Variants in KREMEN1 observed in about 807,000 individuals in gnomAD.
KREMEN1 encodes kremen protein 1.
KREMEN1 carries 30 observed loss-of-function variants against 46.5 expected under a neutral mutation model. That is an observed-to-expected ratio of 0.65 (90% CI 0.48 to 0.88). KREMEN1 has a LOEUF of 0.88. Among genes scored for constraint, KREMEN1 ranks in the 40% least tolerant of loss-of-function variants. The pLI, the probability that KREMEN1 is intolerant of heterozygous loss-of-function variation, is 0.00. For synonymous variants in KREMEN1, 214 were observed against 230.6 expected, an observed-to-expected ratio of 0.93 and a Z score of 0.65; for missense variants, 533 against 596.9, an observed-to-expected ratio of 0.89 and a Z score of 1.11.
In KREMEN1 at chr22:29,142,851, A is replaced by C. The variant is rs1490112926; in HGVS notation, c.*739A>C. 1 of 985,394 alleles carries C rather than the reference A, an allele frequency of 1.0e-6. No homozygotes were observed. Among genetic ancestry groups the C allele is most frequent in the East Asian group, 1.1e-4 (1 of 8,828 alleles). The allele number at this position is 985,394 out of a possible 1,614,324, so 61.0% of individuals were successfully genotyped here. On this transcript the variant is annotated 3_prime_UTR_variant, in exon 9 of 9. Coordinates refer to ENST00000400335, the MANE Select transcript of KREMEN1 (RefSeq NM_001039570.3). ...AGGGAAAGCTTTAAGAGCTTTGGTC[A>C]TATAAAACATCCATTCAGCTGGGCG...
chr22:29,094,052 C>G lies in KREMEN1; in HGVS notation c.98-206C>G, dbSNP rs572502033. 7.9e-5 allele frequency among the ~76,000 whole-genome samples: 12 copies of G among 152,310 alleles called. No homozygotes were observed. In the South Asian group the frequency reaches 1.7e-3, roughly 21 times the overall value. ...AAATGTTCTAGTGTCTGTAGACAAG[C>G]TAGTGCCAAGATTAGCCTAGCTTTT... On this transcript the variant is annotated intron_variant, in intron 1 of 8. Transcript: ENST00000400335.
chr22:29,138,500 G>A lies in KREMEN1; in HGVS notation c.965-124G>A, dbSNP rs554187919. On this transcript the variant is annotated intron_variant, in intron 6 of 8. Coordinates refer to ENST00000400335, the MANE Select transcript of KREMEN1 (RefSeq NM_001039570.3). ...TTTGGGGCTGGTGGGACCCACCTAT[G>A]GAAGGAATTGCACCCAGAATTGAAT... The A allele has an allele frequency of 1.1e-3, 1,040 of 982,132 alleles. 14 individuals are homozygous for A. In the South Asian group the frequency reaches 0.011, roughly 11 times the overall value. The allele number at this position is 982,132 out of a possible 1,614,324, so 60.8% of individuals were successfully genotyped here.
intron 3 of KREMEN1, among the ~76,000 whole-genome samples, chr22:29,117,850 A>G (rs959276711): frequency 6.6e-6 from 1 of 152,188 alleles, no homozygotes; most frequent in Non-Finnish European, 1.5e-5. Flanking sequence ...CAATAAAGCT[A>G]TATTTAGTAT....
intron 5 of KREMEN1, among the ~76,000 whole-genome samples, chr22:29,132,851 G>A (rs2038583962): frequency 3.3e-5 from 5 of 152,224 alleles, no homozygotes; most frequent in South Asian, 2.1e-4. Context: ...CAAAGATATT[G>A]GTCCATATTC....
intron 6 of KREMEN1, among the ~76,000 whole-genome samples, chr22:29,138,166 C>G (rs566541787): frequency 1.2e-4 from 18 of 152,244 alleles, no homozygotes; most frequent in Non-Finnish European, 2.4e-4. Context: ...ACAAGAAACA[C>G]AGAAGGTGTT....
At chr22:29,094,565 C>A in intron 2 of KREMEN1, 145 bp downstream of exon 2, 2 of 438,016 alleles carry the variant, frequency 4.6e-6, no homozygotes, top group Non-Finnish European at 8.0e-6. Flanking sequence ...ATATTTCTTT[C>A]ACACCTTACA....
intron 4 of KREMEN1, among the ~76,000 whole-genome samples, chr22:29,123,033 C>A (rs1161369115): frequency 6.9e-6 from 1 of 145,320 alleles, no homozygotes; most frequent in East Asian, 2.1e-4. Flanking sequence ...AACTTAAACA[C>A]AAGACTACAT....
At chr22:29,148,286 G>A (rs537882960), downstream of KREMEN1, among the ~76,000 whole-genome samples, 1 of 152,242 alleles carries the variant, frequency 6.6e-6, no homozygotes, top group East Asian at 1.9e-4. Context: ...GGCAAAGGTG[G>A]CATCCTCAGG....
At chr22:29,146,868 T>C, downstream of KREMEN1, 1 of 861,704 alleles carries the variant, frequency 1.2e-6, no homozygotes, top group African/African-American at 1.8e-5. Context: ...CCAGAGAGCG[T>C]GGGACAAGCG....
At position 29,094,333 on chromosome 22, in the gene KREMEN1, T is replaced by G. The variant is rs1569315884; in HGVS notation, c.173T>G (p.Leu58Arg). ...GCACTACAAGGCGGGAAGCCATGTC[T>G]GTTTTGGAACGAGACTTTCCAGCAT... ...WTALQGGKPC[L>R]FWNETFQHPY... The change falls in exon 2 of 9, where the codon CTG (leucine) becomes CGG (arginine). Residue 58 changes from leucine (L) to arginine (R), a missense_variant. By Grantham distance (102) the Leu-to-Arg change is moderately radical (BLOSUM62 -2). Transcript: ENST00000400335. The G allele has an allele frequency of 6.2e-7, 1 of 1,614,090 alleles. No individual in the cohort carries two copies. Among genetic ancestry groups the G allele is most frequent in the Non-Finnish European group, 8.5e-7 (1 of 1,179,950 alleles).
rs373338436 is a variant in KREMEN1, at chr22:29,142,163, C to T, written c.*51C>T. ...GGTCCCTCTTTGAGCTCAAGGCTGC[C>T]GTGGTCAACCTCTCCTGTGGTTCTT... is the stretch of plus-strand genomic sequence containing the variant. On this transcript the variant is annotated 3_prime_UTR_variant, in exon 9 of 9. Transcript: ENST00000400335. 26 of 1,488,306 alleles carry T rather than the reference C, an allele frequency of 1.7e-5. No individual in the cohort carries two copies. Among genetic ancestry groups the T allele is most frequent in the African/African-American group, 1.0e-4 (7 of 69,970 alleles). 92.2% of individuals were successfully genotyped at this position (1,488,306 alleles called of 1,614,324 possible). A position where few individuals can be genotyped will look rare whatever the true frequency, so the allele number is the denominator to read the frequency against.
chr22:29,123,664 C>G (rs2038394359), intron 4 of KREMEN1, among the ~76,000 whole-genome samples: 1 of 152,162 alleles, frequency 6.6e-6, no homozygotes, highest in African/African-American at 2.4e-5. Flanking sequence ...TGGTAGCACA[C>G]CTGTAGTCCC....
chr22:29,085,032 C>T (rs1286999907), intron 1 of KREMEN1, among the ~76,000 whole-genome samples: 1 of 152,136 alleles, frequency 6.6e-6, no homozygotes, highest in African/African-American at 2.4e-5. Context: ...AAGGGCAGCT[C>T]GTTCTATGGT....
chr22:29,161,698 C>G (rs1029428999), intron 9 of KREMEN1, among the ~76,000 whole-genome samples: 1 of 151,970 alleles, frequency 6.6e-6, no homozygotes, highest in African/African-American at 2.4e-5. Flanking sequence ...TTCTATGAAG[C>G]CAGCATCACC....
chr22:29,094,716 C>T (rs1358320511), intron 2 of KREMEN1, among the ~76,000 whole-genome samples: 3 of 151,644 alleles, frequency 2.0e-5, no homozygotes, highest in Non-Finnish European at 4.4e-5. Context: ...CTCCGCCTCC[C>T]GGGTTCACGC....
intron 1 of KREMEN1, among the ~76,000 whole-genome samples, chr22:29,087,065 TA>T (rs1320226472): frequency 1.3e-5 from 2 of 152,148 alleles, no homozygotes; most frequent in East Asian, 3.9e-4. Flanking sequence ...CTCTAAATAT[TA>T]AAAAAAGCAT....
At chr22:29,114,666 A>C (rs2038209152) in intron 3 of KREMEN1, among the ~76,000 whole-genome samples, 1 of 152,150 alleles carries the variant, frequency 6.6e-6, no homozygotes, top group Non-Finnish European at 1.5e-5. Flanking sequence ...TCCATTGTTT[A>C]AGCCACCAGC....
chr22:29,135,888 G>T (rs2038649327), intron 5 of KREMEN1, among the ~76,000 whole-genome samples: 2 of 152,056 alleles, frequency 1.3e-5, no homozygotes, highest in Non-Finnish European at 2.9e-5. Flanking sequence ...TGAGTTTTAA[G>T]CTTTTTCTCA....
At chr22:29,158,909 C>T (rs762173393) in intron 9 of KREMEN1, among the ~76,000 whole-genome samples, 17 of 151,754 alleles carry the variant, frequency 1.1e-4, no homozygotes, top group Non-Finnish European at 2.4e-4. Context: ...ACCTCCGCCT[C>T]CTGGGTTCAA....
Sources: allele counts gnomAD v4.1 joint callset (sites outside exome capture counted in the v4.1 genomes callset), GRCh38; gene constraint gnomAD v4.1.1; transcripts MANE v1.5; gene names NCBI Gene and HGNC (gene_info 2026-07-23, HGNC 2026-07-21).